Variants in RANBP3 observed in about 807,000 individuals in gnomAD.
RANBP3 encodes the protein RAN binding protein 3, also known as ran-binding protein 3.
A neutral mutation model predicts 77.3 loss-of-function variants in RANBP3; 14 were observed. The observed-to-expected ratio is 0.18, with a 90% CI of 0.12 to 0.28. The LOEUF is 0.28. RANBP3 is among the 10% of genes least tolerant of loss of function. The probability of loss-of-function intolerance (pLI) is 1.00; values close to 1 mark genes in which losing one functional copy is unlikely to be tolerated. For missense variants in RANBP3, 586 were observed against 752.3 expected, an observed-to-expected ratio of 0.78 and a Z score of 2.59; for synonymous variants, 315 against 312.4, an observed-to-expected ratio of 1.01 and a Z score of -0.09.
In RANBP3 at chr19:5,925,678, G is replaced by T. The variant is rs199604597; in HGVS notation, c.873C>A (p.Asp291Glu). The T allele has an allele frequency of 7.1e-5, 114 of 1,613,950 alleles. No individual in the cohort carries two copies. The highest frequency in any genetic ancestry group is 8.8e-5 in the Non-Finnish European group (104 of 1,180,030). The stretch of plus-strand genomic sequence containing the variant: ...GGAAATAGTTCGTTGCGGTTGGCGT[G>T]TCTGCGCTGGGGTGTCCAGCATTCT... Reference protein sequence around the residue: ...DMENAGHPSADTPTATNYFLQ... With the variant: ...DMENAGHPSAETPTATNYFLQ... Residue 291 changes from aspartate to glutamate, a missense_variant, in exon 10 of 17, where the codon GAC becomes GAA. Coordinates refer to ENST00000340578, the MANE Select transcript of RANBP3 (RefSeq NM_007322.3).
intron 6 of RANBP3, 25 bp downstream of exon 6, chr19:5,933,389 C>G (rs751890257): frequency 2.3e-5 from 36 of 1,589,184 alleles, no homozygotes; most frequent in African/African-American, 2.7e-5. Flanking sequence ...AGCCACCCCC[C>G]GCCCCAGGGA....
At chr19:5,925,529 C>T in intron 10 of RANBP3, 105 bp downstream of exon 10, 1 of 979,312 alleles carries the variant, frequency 1.0e-6, no homozygotes, top group Non-Finnish European at 1.6e-6. Flanking sequence ...AACCTGGATT[C>T]TGGGCCTGAG....
At chr19:5,922,543 C>A (rs539119621) in intron 13 of RANBP3, among the ~76,000 whole-genome samples, 1 of 152,212 alleles carries the variant, frequency 6.6e-6, no homozygotes, top group Non-Finnish European at 1.5e-5. Flanking sequence ...CTTTTCCCTA[C>A]GAAGACACCA....
intron 5 of RANBP3, 39 bp downstream of exon 5, chr19:5,941,577 TAAGCA>T: frequency 6.6e-7 from 1 of 1,519,480 alleles, no homozygotes; most frequent in South Asian, 1.2e-5. Flanking sequence ...GGCGGGTTTG[TAAGCA>T]TAAACGCTTT....
intron 5 of RANBP3, among the ~76,000 whole-genome samples, chr19:5,941,084 C>A (rs959064971): frequency 6.6e-6 from 1 of 152,234 alleles, no homozygotes; most frequent in Admixed American, 6.5e-5. Context: ...CAGGCCCCCG[C>A]AAGCTCCTCT....
At position 5,958,167 on chromosome 19, in the gene RANBP3, A is replaced by G. The variant is rs1404487946; in HGVS notation, c.23-194T>C. 6.6e-6 allele frequency among the ~76,000 whole-genome samples: 1 copy of G among 152,224 alleles called. No homozygotes were observed. Among genetic ancestry groups the G allele is most frequent in the East Asian group, 1.9e-4 (1 of 5,194 alleles). Reference sequence around the variant, plus strand: ...TGTGCTGGGTTTGTGAAATGCACCCAGAATGATGTGACGTGTGCCCTCTGC... The same window carrying G: ...TGTGCTGGGTTTGTGAAATGCACCCGGAATGATGTGACGTGTGCCCTCTGC... On this transcript the variant is annotated intron_variant, in intron 1 of 16. Coordinates refer to ENST00000340578, the MANE Select transcript of RANBP3 (RefSeq NM_007322.3). The surrounding 1 kb of genome is among the most constrained non-coding windows in gnomAD (Gnocchi z 4.4).
chr19:5,957,931 T>C lies in RANBP3; in HGVS notation c.65A>G (p.Asp22Gly). 1 of 1,614,158 alleles carries C rather than the reference T, an allele frequency of 6.2e-7. No individual in the cohort carries two copies. Among genetic ancestry groups the C allele is most frequent in the Non-Finnish European group, 8.5e-7 (1 of 1,180,030 alleles). Residue 22 changes from aspartate (D) to glycine (G), a missense_variant, in exon 2 of 17, where the codon GAT (aspartate) becomes GGT (glycine). Asp to Gly is a moderately conservative substitution (Grantham distance 94, BLOSUM62 -1). Transcript: ENST00000340578. ...CCGGCCCCTTACCTTTTGTCCTTTA[T>C]CCTTCTGAAACACAAAGACGGGCGG... ...IAPPVFVFQK[D>G]KGQKSPAEQK...
chr19:5,918,283 G>T, intron 15 of RANBP3: 1 of 650,424 alleles, frequency 1.5e-6, no homozygotes, highest in Non-Finnish European at 2.5e-6. Flanking sequence ...CCAAACCCCA[G>T]CGGCTTCTCT....
At chr19:5,929,346 G>A (rs1234782979) in intron 8 of RANBP3, among the ~76,000 whole-genome samples, 2 of 152,238 alleles carry the variant, frequency 1.3e-5, no homozygotes, top group Non-Finnish European at 2.9e-5. Context: ...CCTGCATCCC[G>A]TCCAGCAGAA....
At chr19:5,964,862 G>T (rs1196890040) in intron 1 of RANBP3, among the ~76,000 whole-genome samples, 7 of 116,074 alleles carry the variant, frequency 6.0e-5, no homozygotes, top group African/African-American at 1.9e-4. Flanking sequence ...TGGGGGGGGG[G>T]GTGGCACGGT....
chr19:5,931,413 A>G lies in RANBP3; in HGVS notation c.684T>C (p.Cys228=). The G allele has an allele frequency of 6.2e-7, 1 of 1,611,768 alleles. No individual in the cohort carries two copies. The highest frequency in any genetic ancestry group is 1.1e-5 in the South Asian group (1 of 90,952). Residue 228 remains cysteine, a synonymous_variant, in exon 8 of 17, where the codon TGT becomes TGC. Coordinates refer to ENST00000340578, the MANE Select transcript of RANBP3 (RefSeq NM_007322.3). Reference sequence around the variant, plus strand: ...CTCAGGACCCACTGACCTCAAGTGCACACACCTCATCGGCAGCTTCGGAAG... The same window carrying G: ...CTCAGGACCCACTGACCTCAAGTGCGCACACCTCATCGGCAGCTTCGGAAG... The part of the protein sequence containing the change: ...RSPSEAADEV[C]ALEEKEPQKN...
At chr19:5,925,533 G>C in intron 10 of RANBP3, 101 bp downstream of exon 10, 1 of 1,016,546 alleles carries the variant, frequency 9.8e-7, no homozygotes. Context: ...TGGATTCTGG[G>C]CCTGAGTCGG....
chr19:5,971,564 T>C (rs1377311456), intron 1 of RANBP3, among the ~76,000 whole-genome samples: 1 of 151,980 alleles, frequency 6.6e-6, no homozygotes, highest in Admixed American at 6.6e-5. Context: ...TGAATAAGAG[T>C]GAAAAAAGAG....
intron 13 of RANBP3, among the ~76,000 whole-genome samples, chr19:5,922,240 G>GTA (rs1357488079): frequency 6.6e-6 from 1 of 152,100 alleles, no homozygotes; most frequent in African/African-American, 2.4e-5. Context: ...CAGCAGTTTT[G>GTA]TATATATAAA....
intron 1 of RANBP3, 112 bp downstream of exon 1, chr19:5,977,949 A>T: frequency 7.2e-7 from 1 of 1,383,738 alleles, no homozygotes; most frequent in South Asian, 1.4e-5. Flanking sequence ...GCTAGCCTGG[A>T]GCGGACGAAA....
At chr19:5,946,388 C>T (rs1016744884) in intron 3 of RANBP3, among the ~76,000 whole-genome samples, 1 of 152,182 alleles carries the variant, frequency 6.6e-6, no homozygotes, top group Admixed American at 6.5e-5. Context: ...TCAGATGCTG[C>T]CTGACCCCTG....
In RANBP3 at chr19:5,921,607, C is replaced by T. The variant is rs868424170; in HGVS notation, c.1210-286G>A. Among the ~76,000 whole-genome samples, 1 of 152,270 alleles carries T rather than the reference C, an allele frequency of 6.6e-6. No individual in the cohort carries two copies. Among genetic ancestry groups the T allele is most frequent in the Non-Finnish European group, 1.5e-5 (1 of 68,050 alleles). On this transcript the variant is annotated intron_variant, in intron 13 of 16. Transcript: ENST00000340578. This position sits in a 1 kb window ranked among gnomAD's most constrained non-coding sequence, Gnocchi z 5.3. ...CTATACCCATGTGGGGAAGCTGGAA[C>T]CCTCACACACTGCTGGCGGGAAGGC...
rs2057868035 is a variant in RANBP3, at chr19:5,924,100, G to A, written c.997-186C>T. Among the ~76,000 whole-genome samples, 1 of 152,132 alleles carries A rather than the reference G, an allele frequency of 6.6e-6. No homozygotes were observed. The highest frequency in any genetic ancestry group is 2.1e-4 in the South Asian group (1 of 4,832). ...CCTCAGGCATCACTACGGGGTGAGT[G>A]CCACCAGCCGACAGTCCCCTCGAGC... On this transcript the variant is annotated intron_variant, in intron 11 of 16. Transcript: ENST00000340578. The surrounding 1 kb of genome is among the most constrained non-coding windows in gnomAD (Gnocchi z 4.7).
Position 5,962,177 on chromosome 19 carries a change from T to C in RANBP3, c.23-4204A>G, listed in dbSNP as rs1568477306. ...TTGAACTAGGCCCTCTCTCTGTCAT[T>C]CATCTACACAACACCAGCTGCTACG... On this transcript the variant is annotated intron_variant, in intron 1 of 16. Transcript: ENST00000340578. Among the ~76,000 whole-genome samples the C allele has an allele frequency of 2.0e-5, 3 of 151,866 alleles. No individual in the cohort carries two copies. The South Asian group carries it at 6.2e-4, about 32-fold the overall frequency.
Sources: gnomAD v4.1 joint callset for allele counts (sites outside exome capture counted in the v4.1 genomes callset) on GRCh38, gnomAD v4.1.1 for gene constraint, Gnocchi (gnomAD v3.1) non-coding constraint, MANE v1.5 for transcripts, NCBI Gene and HGNC (gene_info 2026-07-23, HGNC 2026-07-21) for gene names.